The following SLC19A3 variants were observed in gnomAD, a reference collection of about 807,000 sequenced individuals.
SLC19A3 encodes the protein solute carrier family 19 member 3, also known as thiamine transporter 2.
A neutral mutation model predicts 40.2 loss-of-function variants in SLC19A3; 31 were observed. The ratio of observed to expected loss-of-function variants is 0.77; its 90% CI spans 0.58 to 1.04. The LOEUF (loss-of-function observed/expected upper bound fraction) is 1.04, where lower values mean the gene tolerates loss of function less well. SLC19A3 is among the 50% of genes least tolerant of loss of function. The pLI is 0.00. For synonymous variants in SLC19A3, 212 were observed against 227.5 expected (o/e 0.93, Z 0.61); for missense variants, 592 against 596.7 (o/e 0.99, Z 0.08).
chr2:227,692,018 A>G (rs1400627141), intron 4 of SLC19A3, among the ~76,000 whole-genome samples: 2 of 152,220 alleles, frequency 1.3e-5, no homozygotes, highest in East Asian at 1.9e-4. Context: ...ATCCGATTGA[A>G]CCATGAAGAA....
In SLC19A3 at chr2:227,701,146, T is replaced by C. The variant is rs1212686271; in HGVS notation, c.150+1023A>G. The stretch of plus-strand genomic sequence containing the variant: ...GAAACAGGGTTGTCCCTAAGTGATC[T>C]GATGCTACAGAAGAAGCTTGCCTTT... On this transcript the variant is annotated intron_variant, in intron 2 of 5. Coordinates refer to ENST00000644224, the MANE Select transcript of SLC19A3 (RefSeq NM_025243.4). 1.4e-5 allele frequency: 17 copies of C among 1,233,406 alleles called. No individual in the cohort carries two copies. In the Admixed American group the frequency reaches 4.8e-4, roughly 35 times the overall value. 76.4% of individuals were successfully genotyped at this position (1,233,406 alleles called of 1,614,324 possible). A position where few individuals can be genotyped will look rare whatever the true frequency, so the allele number is the denominator to read the frequency against.
In SLC19A3 at chr2:227,687,571, A is replaced by C. The variant is rs1268005008; in HGVS notation, c.1317T>G (p.Phe439Leu). The change falls in exon 6 of 6, where the codon TTT becomes TTG. Residue 439 changes from phenylalanine to leucine, a missense_variant and splice_region_variant. By Grantham distance (22) the Phe-to-Leu change is conservative. Coordinates refer to ENST00000644224, the MANE Select transcript of SLC19A3 (RefSeq NM_025243.4). ...RGLNLPVSIQFLVYGSYFAVI... is the reference protein window; with the variant it reads ...RGLNLPVSIQLLVYGSYFAVI... ...CTGCAAAATAGCTCCCATAAACTAA[A>C]AACTGGAGAAAAACAAATAATTAGC... 6.2e-7 allele frequency: 1 copy of C among 1,613,744 alleles called. No homozygotes were observed. Among genetic ancestry groups the C allele is most frequent in the African/African-American group, 1.3e-5 (1 of 75,048 alleles).
At chr2:227,695,814 G>T in intron 4 of SLC19A3, 75 bp downstream of exon 4, 1 of 1,451,562 alleles carries the variant, frequency 6.9e-7, no homozygotes, top group Non-Finnish European at 9.7e-7. Flanking sequence ...TCCTTCTGAA[G>T]TTCTTAGAGA....
intron 3 of SLC19A3, among the ~76,000 whole-genome samples, chr2:227,698,347 G>A (rs1323912219): frequency 1.3e-5 from 2 of 151,688 alleles, no homozygotes; most frequent in African/African-American, 4.8e-5. Context: ...ATTTTTAGTA[G>A]AGATGGGGTT....
intron 1 of SLC19A3, among the ~76,000 whole-genome samples, chr2:227,705,559 G>A (rs1695898763): frequency 6.6e-6 from 1 of 151,988 alleles, no homozygotes; most frequent in South Asian, 2.1e-4. Flanking sequence ...CTAGATCTTT[G>A]AGGAATCGCC....
At chr2:227,701,920 A>G in intron 2 of SLC19A3, 1 of 441,268 alleles carries the variant, frequency 2.3e-6, no homozygotes, top group East Asian at 4.4e-5. Context: ...TCCTATCATT[A>G]ACACAAATGT....
chr2:227,710,133 G>A (rs1031416913), intron 1 of SLC19A3, among the ~76,000 whole-genome samples: 14 of 152,064 alleles, frequency 9.2e-5, no homozygotes, highest in East Asian at 5.8e-4. Context: ...TTGCTTGCCC[G>A]CCACTCACCT....
At chr2:227,688,708 A>G (rs1695112735) in intron 4 of SLC19A3, among the ~76,000 whole-genome samples, 1 of 152,176 alleles carries the variant, frequency 6.6e-6, no homozygotes, top group African/African-American at 2.4e-5. Context: ...ACAACTCTTC[A>G]ATACCCTGAC....
Position 227,686,127 on chromosome 2 carries a change from G to A in SLC19A3, c.*1270C>T. 2 of 449,564 alleles carry A rather than the reference G, an allele frequency of 4.4e-6. No individual in the cohort carries two copies. The highest frequency in any genetic ancestry group is 8.9e-6 in the Non-Finnish European group (2 of 223,480). 27.8% of individuals were successfully genotyped at this position (449,564 alleles called of 1,614,324 possible). ...TAGGAGAATGGCTTGAACTCAGGAG[G>A]TGAAGTTTGCAGTGAGCCAAGATCA... On this transcript the variant is annotated 3_prime_UTR_variant, in exon 6 of 6. Transcript: ENST00000644224.
intron 1 of SLC19A3, among the ~76,000 whole-genome samples, chr2:227,709,409 T>C (rs1480740754): frequency 6.6e-6 from 1 of 152,152 alleles, no homozygotes; most frequent in East Asian, 1.9e-4. Context: ...CACTTGTACC[T>C]GGGAAGTGGA....
At chr2:227,705,549 C>G (rs1354145494) in intron 1 of SLC19A3, among the ~76,000 whole-genome samples, 1 of 151,868 alleles carries the variant, frequency 6.6e-6, no homozygotes, top group African/African-American at 2.4e-5. Context: ...ATTTCTGTTT[C>G]TAGATCTTTG....
At chr2:227,696,128 A>C in intron 3 of SLC19A3, 47 bp from the exon 4 acceptor site, 1 of 1,580,556 alleles carries the variant, frequency 6.3e-7, no homozygotes, top group South Asian at 1.1e-5. Flanking sequence ...CTTTGCATGC[A>C]GGAAAATATC....
intron 4 of SLC19A3, 98 bp downstream of exon 4, chr2:227,695,791 C>T (rs1432448201): frequency 4.2e-6 from 5 of 1,197,478 alleles, no homozygotes; most frequent in Non-Finnish European, 6.2e-6. Flanking sequence ...TTTAATATTG[C>T]AATTGACTAA....
chr2:227,698,941 A>G lies in SLC19A3; in HGVS notation c.774T>C (p.Thr258=), dbSNP rs1695555555. 6.2e-7 allele frequency: 1 copy of G among 1,614,174 alleles called. No homozygotes were observed. Among genetic ancestry groups the G allele is most frequent in the South Asian group, 1.1e-5 (1 of 91,084 alleles). The change falls in exon 3 of 6, where the codon ACT becomes ACC. Residue 258 remains threonine (T), a synonymous_variant. Transcript: ENST00000644224. ...QLNSLKPSNV[T]VDVFVQWFQD... is the part of the protein sequence containing the mutation. ...GGAACCACTGCACAAAAACGTCCACAGTCACATTGCTTGGTTTCAGGCTGT... is the reference window on the plus strand; with the variant it reads ...GGAACCACTGCACAAAAACGTCCACGGTCACATTGCTTGGTTTCAGGCTGT...
intron 1 of SLC19A3, among the ~76,000 whole-genome samples, chr2:227,715,369 G>A (rs1222391038): frequency 6.6e-6 from 1 of 152,072 alleles, no homozygotes. Context: ...GTTTTTGTAA[G>A]AGCAGAAACA....
intron 1 of SLC19A3, chr2:227,714,681 C>CGAT (rs1696267256): frequency 1.6e-6 from 1 of 627,284 alleles, no homozygotes; most frequent in Admixed American, 1.0e-4. Flanking sequence ...CTTCTGCAGC[C>CGAT]GATGACATTT....
At chr2:227,708,137 A>G (rs1307778415) in intron 1 of SLC19A3, among the ~76,000 whole-genome samples, 1 of 151,690 alleles carries the variant, frequency 6.6e-6, no homozygotes, top group Non-Finnish European at 1.5e-5. Context: ...TTTGAAAAAA[A>G]CTCTCTTGCT....
chr2:227,698,910 A>G lies in SLC19A3; in HGVS notation c.805T>C (p.Leu269=), dbSNP rs2106328713. The G allele has an allele frequency of 1.2e-6, 2 of 1,614,060 alleles. No homozygotes were observed. Among genetic ancestry groups the G allele is most frequent in the Middle Eastern group, 1.6e-4 (1 of 6,062 alleles). The change falls in exon 3 of 6, where the codon TTG becomes CTG. Residue 269 remains leucine (L), a synonymous_variant. Coordinates refer to ENST00000644224, the MANE Select transcript of SLC19A3 (RefSeq NM_025243.4). ...VDVFVQWFQD[L]KECYSSKRLF... ...CGTTTTGAGGAGTAGCACTCCTTCA[A>G]ATCTTGGAACCACTGCACAAAAACG... is the stretch of plus-strand genomic sequence containing the variant.
intron 1 of SLC19A3, among the ~76,000 whole-genome samples, chr2:227,705,253 A>G (rs1695883095): frequency 6.6e-6 from 1 of 152,100 alleles, no homozygotes; most frequent in Non-Finnish European, 1.5e-5. Flanking sequence ...ATAAATACAA[A>G]TATATAATCA....
Sources: allele counts gnomAD v4.1 joint callset (sites outside exome capture counted in the v4.1 genomes callset), GRCh38; gene constraint gnomAD v4.1.1; transcripts MANE v1.5; gene names NCBI Gene and HGNC (gene_info 2026-07-23, HGNC 2026-07-21).